The following MAST1 variants were observed in gnomAD, a reference collection of about 807,000 sequenced individuals.
The protein encoded by MAST1 is microtubule associated serine/threonine kinase 1.
MAST1 carries 40 observed loss-of-function variants against 124.6 expected under a neutral mutation model. The ratio of observed to expected loss-of-function variants is 0.32; its 90% CI spans 0.25 to 0.42. The LOEUF (loss-of-function observed/expected upper bound fraction) is 0.42. Ranked by LOEUF, MAST1 falls within the 10% of genes least tolerant of loss-of-function variation. The probability of loss-of-function intolerance (pLI) is 1.00; values close to 1 mark genes in which losing one functional copy is unlikely to be tolerated. For missense variants in MAST1, 1,558 were observed against 2,181.9 expected (o/e 0.71, Z 5.70); for synonymous variants, 938 against 939.4 (o/e 1.00, Z 0.03).
intron 22 of MAST1, among the ~76,000 whole-genome samples, 162 bp from the exon 23 acceptor site, chr19:12,870,662 C>CT (rs1219529804): frequency 1.5e-5 from 1 of 65,682 alleles, no homozygotes; most frequent in African/African-American, 5.8e-5. Flanking sequence ...GAGACTCCGT[C>CT]CAAAAAAAAA....
At chr19:12,859,629 A>C (rs1435495351) in intron 12 of MAST1, among the ~76,000 whole-genome samples, 2 of 151,584 alleles carry the variant, frequency 1.3e-5, no homozygotes, top group Non-Finnish European at 2.9e-5. Flanking sequence ...TGAAACCCTG[A>C]CTCTACCAAA....
chr19:12,868,862 C>T lies in MAST1; in HGVS notation c.2773+13C>T. ...ATGATTCCTGCAGGTAATGCTGGGC[C>T]CCACCTGGCAGGGGAGGGGCTGCCC... On this transcript the variant is annotated intron_variant, in intron 21 of 25. Transcript: ENST00000251472. 2 of 1,564,010 alleles carry T rather than the reference C, an allele frequency of 1.3e-6. No individual in the cohort carries two copies. Among genetic ancestry groups the T allele is most frequent in the Non-Finnish European group, 1.7e-6 (2 of 1,151,772 alleles).
chr19:12,858,952 A>G, intron 12 of MAST1: 1 of 610,382 alleles, frequency 1.6e-6, no homozygotes, highest in Non-Finnish European at 2.9e-6. Context: ...TTCATTCAGC[A>G]TAAAAACATT....
chr19:12,847,441 G>A lies in MAST1; in HGVS notation c.479G>A (p.Arg160Gln). The change falls in exon 5 of 26, where the codon CGG (arginine) becomes CAG (glutamine). Residue 160 changes from arginine to glutamine, a missense_variant. This residue lies in a region of MAST1 where 165 missense variants were observed against 315.3 expected (regional missense o/e 0.52). Transcript: ENST00000251472. This position sits in a 1 kb window ranked among gnomAD's most constrained non-coding sequence, Gnocchi z 5.5. ...RRSPAVRPRS[R>Q]SLSPGRSPSS... ...TCCCCAGCCGTGCGGCCCCGCTCACGGAGCCTCAGGTGGGCAGGCATCCCT... is the reference window on the plus strand; with the variant it reads ...TCCCCAGCCGTGCGGCCCCGCTCACAGAGCCTCAGGTGGGCAGGCATCCCT... 1.9e-6 allele frequency: 3 copies of A among 1,613,578 alleles called. No individual in the cohort carries two copies. The highest frequency in any genetic ancestry group is 2.2e-5 in the East Asian group (1 of 44,846).
chr19:12,855,419 T>G (rs1970006760), intron 10 of MAST1, among the ~76,000 whole-genome samples: 1 of 151,858 alleles, frequency 6.6e-6, no homozygotes, highest in African/African-American at 2.4e-5. Context: ...CCCAGGAGTT[T>G]GAAACCAGTC....
At chr19:12,871,532 G>A (rs759776418) in intron 24 of MAST1, among the ~76,000 whole-genome samples, 4 of 152,016 alleles carry the variant, frequency 2.6e-5, no homozygotes, top group Non-Finnish European at 4.4e-5. Flanking sequence ...CCTTGAACCC[G>A]GGAGGTGGAT....
intron 10 of MAST1, among the ~76,000 whole-genome samples, chr19:12,852,658 G>A (rs187343222): frequency 3.4e-5 from 5 of 148,338 alleles, no homozygotes; most frequent in Non-Finnish European, 7.4e-5. Context: ...AACCAACATG[G>A]AGAAACCCCG....
rs952424127 is a variant in MAST1, at chr19:12,862,633, CTGT to C, written c.1367-2165_1367-2163del. On this transcript the variant is annotated intron_variant, in intron 12 of 25. Transcript: ENST00000251472. ...TCAACCTACCCAGCATGGTGAAACC[CTGT>C]TGTTGTTGTTTTTTTCTTTTCCTTT... Among the ~76,000 whole-genome samples, 46 of 151,658 alleles carry C rather than the reference CTGT, an allele frequency of 3.0e-4. 1 individual carries two copies. Among genetic ancestry groups the C allele is most frequent in the Admixed American group, 1.8e-3 (27 of 15,174 alleles).
rs1022410604 is a variant in MAST1 at position 12,840,884 on chromosome 19, C to T, written c.173-107C>T. On this transcript the variant is annotated intron_variant, in intron 2 of 25. Coordinates refer to ENST00000251472, the MANE Select transcript of MAST1 (RefSeq NM_014975.3). ...GGGGCCACAGGCGAAGGGGCGTGGT[C>T]TCCCCATAATAGGCGGGACTAGACT... The T allele has an allele frequency of 5.3e-5, 41 of 778,394 alleles. No individual in the cohort carries two copies. In the East Asian group the frequency reaches 9.7e-4, roughly 18 times the overall value. 48.2% of individuals were successfully genotyped at this position (778,394 alleles called of 1,614,324 possible). A position where few individuals can be genotyped will look rare whatever the true frequency, so the allele number is the denominator to read the frequency against.
At chr19:12,850,934 A>G (rs1292066669) in intron 7 of MAST1, among the ~76,000 whole-genome samples, 2 of 148,888 alleles carry the variant, frequency 1.3e-5, no homozygotes, top group Non-Finnish European at 3.0e-5. Flanking sequence ...TTGCAATAAG[A>G]TATTAGTTTT....
intron 10 of MAST1, among the ~76,000 whole-genome samples, chr19:12,857,443 G>A (rs1182574935): frequency 2.7e-5 from 4 of 146,538 alleles, no homozygotes; most frequent in African/African-American, 7.6e-5. Context: ...ACAGAGTCTC[G>A]CTCTGTCACC....
chr19:12,869,211 G>A lies in MAST1; in HGVS notation c.2919G>A (p.Ser973=), dbSNP rs56065331. The A allele has an allele frequency of 5.6e-4, 902 of 1,614,100 alleles. No individual in the cohort carries two copies. The highest frequency in any genetic ancestry group is 1.1e-3 in the Admixed American group (66 of 60,010). The change falls in exon 22 of 26, where the codon TCG becomes TCA. Residue 973 remains serine, a synonymous_variant. Coordinates refer to ENST00000251472, the MANE Select transcript of MAST1 (RefSeq NM_014975.3). ...GLRSPITIQR[S]GKKYGFTLRA... ...GCTCCCCCATCACCATCCAGCGCTC[G>A]GGCAAGAAGTATGGCTTCACACTGC... is the stretch of plus-strand genomic sequence containing the variant.
chr19:12,863,178 AAAAG>A (rs1248441025), intron 12 of MAST1, among the ~76,000 whole-genome samples: 1 of 151,238 alleles, frequency 6.6e-6, no homozygotes, highest in Non-Finnish European at 1.5e-5. Flanking sequence ...AAAAAAAAAA[AAAAG>A]AGAAAAAGAA....
In MAST1 at chr19:12,848,077, G is replaced by C. The variant is rs780748371; in HGVS notation, c.774+20G>C. On this transcript the variant is annotated intron_variant, in intron 7 of 25. Transcript: ENST00000251472. ...CAAGACGTGAGTGCACGCGGAGGCC[G>C]GGCTGATCTCAGGCTCAGCACCGCC... 4 of 1,607,072 alleles carry C rather than the reference G, an allele frequency of 2.5e-6. No individual in the cohort carries two copies. In the South Asian group the frequency reaches 4.4e-5, roughly 18 times the overall value.
chr19:12,867,570 G>C lies in MAST1; in HGVS notation c.2236G>C (p.Glu746Gln), dbSNP rs772683218. ...SKREPSTKGP[E>Q]EKVAGKREGL... ...GCGGGAGCCGAGCACCAAGGGCCCC[G>C]AGGAGAAGGTGGCCGGCAAGCGGGA... The change falls in exon 19 of 26, where the codon GAG (glutamate) becomes CAG (glutamine). Residue 746 changes from glutamate (E) to glutamine (Q), a missense_variant. Around this residue, in one of 10 missense-constraint regions of MAST1, gnomAD observed 287 missense variants for 308.0 expected, o/e 0.93. Transcript: ENST00000251472. 1.7e-5 allele frequency: 28 copies of C among 1,613,462 alleles called. No individual in the cohort carries two copies. The highest frequency in any genetic ancestry group is 2.3e-5 in the Non-Finnish European group (27 of 1,179,864).
chr19:12,859,355 C>T (rs1970052679), intron 12 of MAST1, among the ~76,000 whole-genome samples: 1 of 152,200 alleles, frequency 6.6e-6, no homozygotes, highest in Non-Finnish European at 1.5e-5. Flanking sequence ...GCTGGGATTA[C>T]AGGCATGAGC....
In MAST1 at chr19:12,867,915, C is replaced by T. The variant is rs771251466; in HGVS notation, c.2504C>T (p.Ala835Val). The T allele has an allele frequency of 4.4e-6, 7 of 1,600,224 alleles. No individual in the cohort carries two copies. The Admixed American group carries it at 1.2e-4, about 28-fold the overall frequency. ...PSSDPAGSLD[A>V]RAPKEETQGE... is the part of the protein sequence containing the mutation. Reference sequence around the variant, plus strand: ...TCCGACCCCGCGGGATCCCTGGATGCACGGGCCCCCAAAGAGGAGACTCAA... The same window carrying T: ...TCCGACCCCGCGGGATCCCTGGATGTACGGGCCCCCAAAGAGGAGACTCAA... The change falls in exon 20 of 26, where the codon GCA (alanine) becomes GTA (valine). Residue 835 changes from alanine to valine, a missense_variant. Coordinates refer to ENST00000251472, the MANE Select transcript of MAST1 (RefSeq NM_014975.3).
At chr19:12,858,986 T>G (rs1012845999) in intron 12 of MAST1, 17 of 592,066 alleles carry the variant, frequency 2.9e-5, no homozygotes, top group Non-Finnish European at 4.2e-5. Flanking sequence ...TATCCATCCA[T>G]CTATCCTTCT....
intron 21 of MAST1, 98 bp downstream of exon 21, chr19:12,868,947 G>A: frequency 6.5e-7 from 1 of 1,541,746 alleles, no homozygotes; most frequent in East Asian, 2.3e-5. Flanking sequence ...ACCGTGATTG[G>A]CTCCAGGCTG....
Sources: gnomAD v4.1 joint callset for allele counts (sites outside exome capture counted in the v4.1 genomes callset) on GRCh38, gnomAD v4.1.1 for gene constraint, gnomAD v4.1.1 regional missense constraint, Gnocchi (gnomAD v3.1) non-coding constraint, MANE v1.5 for transcripts, NCBI Gene and HGNC (gene_info 2026-07-23, HGNC 2026-07-21) for gene names.